AFP: variants seen among roughly 807,000 people sequenced by gnomAD.
The protein encoded by AFP is alpha fetoprotein.
In AFP, 64 loss-of-function variants were observed where a neutral mutation model predicts 78.9. That is an observed-to-expected ratio of 0.81 (90% confidence interval 0.66 to 1.00). The LOEUF is 1.00. Ranked by LOEUF, AFP falls within the 50% of genes least tolerant of loss-of-function variation. AFP has a pLI of 0.00. For synonymous variants in AFP, 254 were observed against 243.8 expected, an observed-to-expected ratio of 1.04 and a Z score of -0.39; for missense variants, 689 against 703.8, an observed-to-expected ratio of 0.98 and a Z score of 0.24.
At chr4:73,442,259 G>A in intron 4 of AFP, 37 bp from the exon 5 acceptor site, 3 of 1,592,906 alleles carry the variant, frequency 1.9e-6, no homozygotes, top group Non-Finnish European at 2.6e-6. Flanking sequence ...CTATTTTTAG[G>A]TGTTTATAAA....
intron 5 of AFP, 114 bp from the exon 6 acceptor site, chr4:73,443,233 A>G (rs1331608759): frequency 3.7e-6 from 3 of 811,588 alleles, no homozygotes; most frequent in Non-Finnish European, 6.1e-6. Flanking sequence ...TTTAGTAAAA[A>G]ACATATTTTA....
chr4:73,453,937 G>A, intron 13 of AFP, 40 bp downstream of exon 13: 1 of 1,612,332 alleles, frequency 6.2e-7, no homozygotes, highest in Non-Finnish European at 8.5e-7. Flanking sequence ...ACTTGCTATG[G>A]AATTTTCTGT....
Position 73,440,796 on chromosome 4 carries a change from GGA to G in AFP, c.468_469del (p.Glu156AspfsTer9). 1 of 1,613,858 alleles carries G rather than the reference GGA, an allele frequency of 6.2e-7. No homozygotes were observed. Among genetic ancestry groups the G allele is most frequent in the Non-Finnish European group, 8.5e-7 (1 of 1,179,888 alleles). On this transcript the variant is annotated frameshift_variant, in exon 4 of 15. Transcript: ENST00000395792. LOFTEE classifies it high-confidence loss of function. The part of the protein sequence containing the change: ...TSCEAYEEDR[E>X]TFMNKFIYEI... ...GCTGTGAAGCATATGAAGAAGACAG[GGA>G]GACATTCATGAACAAGTAAGGATCC...
chr4:73,447,485 T>C lies in AFP; in HGVS notation c.867T>C (p.Cys289=). The change falls in exon 8 of 15, where the codon TGT becomes TGC. Residue 289 remains cysteine (C), a synonymous_variant. Coordinates refer to ENST00000395792, the MANE Select transcript of AFP (RefSeq NM_001134.3). ...AGGAAAAAATCATGTCCTACATATG[T>C]TCTCAACAAGACACTCTGTCAAACA... ...QDGEKIMSYI[C]SQQDTLSNKI... 6.2e-7 allele frequency: 1 copy of C among 1,610,932 alleles called. No homozygotes were observed. Among genetic ancestry groups the C allele is most frequent in the Non-Finnish European group, 8.5e-7 (1 of 1,178,524 alleles).
chr4:73,449,317 T>C lies in AFP; in HGVS notation c.1059-18T>C, dbSNP rs749198913. 87 of 1,609,436 alleles carry C rather than the reference T, an allele frequency of 5.4e-5. 1 individual carries two copies. In the East Asian group the frequency reaches 1.9e-3, roughly 34 times the overall value. ...CTTAGTTCCAATAACTTGAAATATT[T>C]TTCTCCACATATTTCAGTTTTGTTC... is the stretch of plus-strand genomic sequence containing the variant. On this transcript the variant is annotated intron_variant, in intron 8 of 14. Coordinates refer to ENST00000395792, the MANE Select transcript of AFP (RefSeq NM_001134.3).
chr4:73,441,528 A>G (rs1313173031), intron 4 of AFP, among the ~76,000 whole-genome samples: 10 of 134,014 alleles, frequency 7.5e-5, no homozygotes, highest in Non-Finnish European at 1.5e-4. Context: ...AGATTGCGCC[A>G]CTGCACTCCC....
intron 1 of AFP, 33 bp downstream of exon 1, chr4:73,436,380 C>G (rs777728915): frequency 7.9e-7 from 1 of 1,270,422 alleles, no homozygotes; most frequent in Non-Finnish European, 1.1e-6. Flanking sequence ...TGTCTTTTCT[C>G]TATATCAAAA....
chr4:73,438,291 G>A lies in AFP; in HGVS notation c.255G>A (p.Gly85=). The change falls in exon 3 of 15, where the codon GGG becomes GGA. Residue 85 remains glycine (G), a synonymous_variant. Transcript: ENST00000395792. ...EKPTGDEQSS[G]CLENQLPAFL... ...CCACTGGAGATGAACAGTCTTCAGG[G>A]TGTTTAGAAAACCAGGTGAGTGAAT... The A allele has an allele frequency of 6.2e-7, 1 of 1,613,000 alleles. No homozygotes were observed.
chr4:73,437,340 A>C (rs957182363), intron 2 of AFP, 129 bp downstream of exon 2: 12 of 716,610 alleles, frequency 1.7e-5, no homozygotes, highest in Admixed American at 4.5e-5. Context: ...AAGAAAAGTT[A>C]CTCATACTGA....
At chr4:73,443,949 AC>A (rs1174040300) in intron 6 of AFP, among the ~76,000 whole-genome samples, 2 of 152,200 alleles carry the variant, frequency 1.3e-5, no homozygotes, top group Non-Finnish European at 2.9e-5. Context: ...GGAGAAAAGA[AC>A]ATTTTAAATT....
At position 73,449,435 on chromosome 4, in the gene AFP, A is replaced by G; in HGVS notation, c.1159A>G (p.Thr387Ala). Residue 387 changes from threonine (T) to alanine (A), a missense_variant, in exon 9 of 15, where the codon ACT becomes GCT. Transcript: ENST00000395792. The part of the protein sequence containing the change: ...YQELLEKCFQ[T>A]ENPLECQDKG... The stretch of plus-strand genomic sequence containing the variant: ...GGAGTTATTGGAGAAGTGTTTCCAG[A>G]CTGAAAACCCTCTTGAATGCCAAGA... 6.2e-7 allele frequency: 1 copy of G among 1,613,616 alleles called. No individual in the cohort carries two copies. The highest frequency in any genetic ancestry group is 8.5e-7 in the Non-Finnish European group (1 of 1,179,674).
Position 73,453,803 on chromosome 4 carries a change from CAG to C in AFP, c.1694_1695del (p.Glu565GlyfsTer4). 6.2e-7 allele frequency: 1 copy of C among 1,613,738 alleles called. No homozygotes were observed. Among genetic ancestry groups the C allele is most frequent in the Non-Finnish European group, 8.5e-7 (1 of 1,179,744 alleles). On this transcript the variant is annotated frameshift_variant, in exon 13 of 15. Coordinates refer to ENST00000395792, the MANE Select transcript of AFP (RefSeq NM_001134.3). LOFTEE classifies it high-confidence loss of function. ...CTTGTGAAGCAAAAGCCACAAATAACAGAGGAACAACTTGAGGCTGTCATTGC... is the reference window on the plus strand; with the variant it reads ...CTTGTGAAGCAAAAGCCACAAATAACAGGAACAACTTGAGGCTGTCATTGC...
intron 4 of AFP, among the ~76,000 whole-genome samples, chr4:73,441,835 ACCAGATAAATAGAGAGATTGC>A (rs1238924260): frequency 6.6e-6 from 1 of 152,120 alleles, no homozygotes; most frequent in Non-Finnish European, 1.5e-5. Context: ...TACTTCCTAA[ACCAGATAAATAGAGAGATTGC>A]CCTTAGAACA....
intron 5 of AFP, 141 bp downstream of exon 5, chr4:73,442,569 T>C: frequency 1.0e-6 from 1 of 995,052 alleles, no homozygotes; most frequent in Non-Finnish European, 1.5e-6. Context: ...TCTGATATTC[T>C]TCGAGTGAAC....
At chr4:73,438,563 T>A (rs1235018049) in intron 3 of AFP, among the ~76,000 whole-genome samples, 1 of 152,108 alleles carries the variant, frequency 6.6e-6, no homozygotes, top group Non-Finnish European at 1.5e-5. Context: ...ATGGGCATAT[T>A]AACTTTTTTG....
intron 4 of AFP, among the ~76,000 whole-genome samples, chr4:73,441,631 C>A (rs1719670400): frequency 6.8e-6 from 1 of 147,462 alleles, no homozygotes; most frequent in Non-Finnish European, 1.5e-5. Flanking sequence ...ATCAGATTAA[C>A]ACTCACAAAC....
At chr4:73,454,032 A>G in intron 13 of AFP, 135 bp downstream of exon 13, 1 of 1,045,954 alleles carries the variant, frequency 9.6e-7, no homozygotes. Context: ...AAGCAGATTG[A>G]GGGATTCTAT....
intron 7 of AFP, among the ~76,000 whole-genome samples, 156 bp from the exon 8 acceptor site, chr4:73,447,306 A>C (rs1719858867): frequency 7.0e-6 from 1 of 142,444 alleles, no homozygotes; most frequent in Non-Finnish European, 1.5e-5. Context: ...ATCCCTCTCT[A>C]TTTCCCTTTC....
In AFP at chr4:73,442,361, C is replaced by T. The variant is rs753512757; in HGVS notation, c.548C>T (p.Ala183Val). Residue 183 changes from alanine (A) to valine (V), a missense_variant, in exon 5 of 15, where the codon GCT becomes GTT. Physicochemically the swap from Ala to Val is moderately conservative, Grantham distance 64 (BLOSUM62 0). Transcript: ENST00000395792. ...LYAPTILLWA[A>V]RYDKIIPSCC... ...GCACCTACAATTCTTCTTTGGGCTG[C>T]TCGCTATGACAAAATAATTCCATCT... 5.0e-6 allele frequency: 8 copies of T among 1,613,944 alleles called. No homozygotes were observed. The South Asian group carries it at 6.6e-5, about 13-fold the overall frequency.
Sources: allele counts gnomAD v4.1 joint callset (sites outside exome capture counted in the v4.1 genomes callset), GRCh38; gene constraint gnomAD v4.1.1; transcripts MANE v1.5; gene names NCBI Gene and HGNC (gene_info 2026-07-23, HGNC 2026-07-21).